NUP153: variants seen among roughly 807,000 people sequenced by gnomAD.
The protein encoded by NUP153 is nuclear pore complex protein Nup153.
NUP153 carries 27 observed loss-of-function variants against 134.6 expected under a neutral mutation model. That is an observed-to-expected ratio of 0.20 (90% CI 0.15 to 0.28). NUP153 has a LOEUF of 0.28. Among genes scored for constraint, NUP153 ranks in the 10% least tolerant of loss-of-function variants. NUP153 has a pLI of 1.00. For missense variants in NUP153, 1,821 were observed against 1,731.3 expected (o/e 1.05, Z -0.92); for synonymous variants, 640 against 623.5 (o/e 1.03, Z -0.40).
chr6:17,665,052 CAA>C, intron 9 of NUP153, among the ~76,000 whole-genome samples, 185 bp downstream of exon 9: 1 of 69,678 alleles, frequency 1.4e-5, no homozygotes, highest in East Asian at 3.9e-4. Context: ...GACTCCGTCT[CAA>C]AAAAAAAAAA....
chr6:17,661,692 T>C lies in NUP153; in HGVS notation c.1356A>G (p.Glu452=), dbSNP rs1315629412. 1.2e-6 allele frequency: 2 copies of C among 1,614,002 alleles called. No individual in the cohort carries two copies. The highest frequency in any genetic ancestry group is 4.5e-5 in the East Asian group (2 of 44,860). ...GTTTAGAAGCAACAAAGCGTGTTCT[T>C]TCTCGTCTCATCTTGCCACCTCCAC... The part of the protein sequence containing the change: ...VGGGGGKMRR[E]RTRFVASKPL... The change falls in exon 11 of 22, where the codon GAA becomes GAG. Residue 452 remains glutamate, a synonymous_variant. Transcript: ENST00000262077.
chr6:17,682,915 CAAAAAAGAAGAA>C (rs1355873113), intron 2 of NUP153, among the ~76,000 whole-genome samples: 1 of 36,922 alleles, frequency 2.7e-5, no homozygotes, highest in Non-Finnish European at 6.7e-5. Context: ...AAGACTGTCT[CAAAAAAGAAGAA>C]AAAAAAAAAA....
At chr6:17,672,690 A>G (rs1767990590) in intron 5 of NUP153, among the ~76,000 whole-genome samples, 1 of 152,148 alleles carries the variant, frequency 6.6e-6, no homozygotes, top group Admixed American at 6.5e-5. Flanking sequence ...AACAAAAAAC[A>G]AAAAACAAAA....
chr6:17,682,927 A>AG (rs1286425321), intron 2 of NUP153, among the ~76,000 whole-genome samples: 26 of 139,800 alleles, frequency 1.9e-4, no homozygotes, highest in African/African-American at 4.9e-4. Context: ...AAAAAGAAGA[A>AG]AAAAAAAAAA....
chr6:17,670,666 G>A (rs554292554), intron 5 of NUP153, among the ~76,000 whole-genome samples: 15 of 152,174 alleles, frequency 9.9e-5, no homozygotes, highest in Admixed American at 6.5e-5. Flanking sequence ...ACTTTATCAG[G>A]TAGAAGGATC....
chr6:17,626,442 C>A (rs1343714094), intron 18 of NUP153, among the ~76,000 whole-genome samples: 1 of 152,170 alleles, frequency 6.6e-6, no homozygotes, highest in Non-Finnish European at 1.5e-5. Flanking sequence ...CCAAATCTAA[C>A]TGGATACTGT....
rs1182980744 is a variant in NUP153 at position 17,687,199 on chromosome 6, T to C, written c.334+1197A>G. Among the ~76,000 whole-genome samples the C allele has an allele frequency of 1.3e-5, 2 of 152,208 alleles. 1 individual carries two copies. The highest frequency in any genetic ancestry group is 4.1e-4 in the South Asian group (2 of 4,836). On this transcript the variant is annotated intron_variant, in intron 2 of 21. Coordinates refer to ENST00000262077, the MANE Select transcript of NUP153 (RefSeq NM_005124.4). Reference sequence around the variant, plus strand: ...TGAAGTTAGTTAATCCTTTCAAATATGCTCATTAGGATAGAAAAGATCATT... The same window carrying C: ...TGAAGTTAGTTAATCCTTTCAAATACGCTCATTAGGATAGAAAAGATCATT...
chr6:17,627,964 C>T (rs536873770), intron 18 of NUP153, among the ~76,000 whole-genome samples: 4 of 152,230 alleles, frequency 2.6e-5, no homozygotes, highest in African/African-American at 9.6e-5. Flanking sequence ...AACTTCTTAT[C>T]TTCTAGGCCA....
chr6:17,690,225 G>A (rs1388721110), intron 1 of NUP153, among the ~76,000 whole-genome samples: 2 of 136,904 alleles, frequency 1.5e-5, no homozygotes, highest in Middle Eastern at 3.3e-3. Flanking sequence ...GGTGGCGGGC[G>A]CATGTAGTCC....
intron 1 of NUP153, among the ~76,000 whole-genome samples, chr6:17,705,758 G>A (rs1054688962): frequency 6.6e-6 from 1 of 152,114 alleles, no homozygotes; most frequent in Admixed American, 6.6e-5. Context: ...CATAGGCTGA[G>A]ACTAAGTTAT....
At chr6:17,694,065 T>C (rs919927690) in intron 1 of NUP153, among the ~76,000 whole-genome samples, 9 of 152,222 alleles carry the variant, frequency 5.9e-5, no homozygotes, top group Non-Finnish European at 1.3e-4. Context: ...CCTACTTTAT[T>C]GATAGCACTG....
chr6:17,644,845 G>A (rs1426520907), intron 14 of NUP153, among the ~76,000 whole-genome samples: 2 of 152,132 alleles, frequency 1.3e-5, no homozygotes, highest in Non-Finnish European at 2.9e-5. Context: ...CAGCACTTTG[G>A]GAGGCCGAGG....
At chr6:17,681,172 A>G (rs1344315111) in intron 2 of NUP153, among the ~76,000 whole-genome samples, 2 of 152,104 alleles carry the variant, frequency 1.3e-5, no homozygotes, top group African/African-American at 4.8e-5. Context: ...CACCAGGCAC[A>G]AAAAGACAAC....
At chr6:17,665,771 A>G (rs6935037) in intron 8 of NUP153, among the ~76,000 whole-genome samples, 113,675 of 151,068 alleles carry the variant, frequency 0.75, 43,145 homozygotes, top group East Asian at 0.89. Context: ...CCCAGACCAC[A>G]GCTCACTGTA....
intron 2 of NUP153, among the ~76,000 whole-genome samples, chr6:17,684,548 T>C (rs1425027561): frequency 6.6e-6 from 1 of 152,244 alleles, no homozygotes; most frequent in Non-Finnish European, 1.5e-5. Flanking sequence ...AGCAACTGGC[T>C]GCTTTGCTTT....
At chr6:17,683,832 AAT>A (rs1383841597) in intron 2 of NUP153, among the ~76,000 whole-genome samples, 6 of 152,132 alleles carry the variant, frequency 3.9e-5, no homozygotes, top group African/African-American at 1.4e-4. Context: ...TTCATCTGAA[AAT>A]ATGTTGTTTA....
At chr6:17,632,128 C>G (rs1329514769) in intron 17 of NUP153, among the ~76,000 whole-genome samples, 4 of 151,998 alleles carry the variant, frequency 2.6e-5, no homozygotes, top group African/African-American at 9.7e-5. Context: ...GAGGTGTATT[C>G]CCAGTCAAAT....
intron 2 of NUP153, among the ~76,000 whole-genome samples, chr6:17,681,492 G>T (rs539480414): frequency 6.6e-6 from 1 of 152,298 alleles, no homozygotes; most frequent in South Asian, 2.1e-4. Context: ...GGCTGAGACA[G>T]GAGAGTGGCG....
chr6:17,699,926 T>A (rs945274133), intron 1 of NUP153, among the ~76,000 whole-genome samples: 32 of 152,344 alleles, frequency 2.1e-4, no homozygotes, highest in African/African-American at 7.5e-4. Context: ...TGTCAGGGAC[T>A]TCCCAGAAAA....
Sources: gnomAD v4.1 joint callset for allele counts (sites outside exome capture counted in the v4.1 genomes callset) on GRCh38, gnomAD v4.1.1 for gene constraint, MANE v1.5 for transcripts, NCBI Gene and HGNC (gene_info 2026-07-23, HGNC 2026-07-21) for gene names.